Variants in LUC7L3 observed in about 807,000 individuals in gnomAD.
The protein encoded by LUC7L3 is LUC7 like 3 pre-mRNA splicing factor.
Under a neutral mutation model 66.8 loss-of-function variants are expected in LUC7L3, and 6 were observed. The ratio of observed to expected loss-of-function variants is 0.09; its 90% CI spans 0.05 to 0.18. LUC7L3 has a LOEUF of 0.18. LUC7L3 is among the 10% of genes least tolerant of loss of function. The pLI, the probability that LUC7L3 is intolerant of heterozygous loss-of-function variation, is 1.00. For missense variants in LUC7L3, 341 were observed against 531.1 expected (o/e 0.64, Z 3.52); for synonymous variants, 160 against 174.7 (o/e 0.92, Z 0.66).
intron 1 of LUC7L3, among the ~76,000 whole-genome samples, chr17:50,729,385 T>C (rs1424270399): frequency 6.6e-6 from 1 of 152,248 alleles, no homozygotes; most frequent in Non-Finnish European, 1.5e-5. Context: ...CATGCATTTG[T>C]ATGATTATCA....
chr17:50,728,072 C>CGCGCCACT (rs1403461561), intron 1 of LUC7L3, among the ~76,000 whole-genome samples: 1 of 149,534 alleles, frequency 6.7e-6, no homozygotes, highest in Non-Finnish European at 1.5e-5. Flanking sequence ...GAGCCGAGAT[C>CGCGCCACT]GCGCCACTGC....
At position 50,754,615 on chromosome 17, in the gene LUC7L3, T is replaced by C. The variant is rs988345573; in HGVS notation, c.*3954T>C. 1 of 152,228 alleles carries C rather than the reference T, an allele frequency of 6.6e-6. No homozygotes were observed. Among genetic ancestry groups the C allele is most frequent in the Admixed American group, 6.5e-5 (1 of 15,282 alleles). 9.4% of individuals were successfully genotyped at this position (152,228 alleles called of 1,614,324 possible). A position where few individuals can be genotyped will look rare whatever the true frequency, so the allele number is the denominator to read the frequency against. On this transcript the variant is annotated 3_prime_UTR_variant, in exon 10 of 10. Transcript: ENST00000505658. The stretch of plus-strand genomic sequence containing the variant: ...CATCCTCTCCTCTGGAATGTAGAGA[T>C]AATACATATCATGCTCCTTTTTGTT...
Position 50,752,060 on chromosome 17 carries a change from G to T in LUC7L3, c.*1399G>T. The T allele has an allele frequency of 8.6e-7, 1 of 1,156,408 alleles. No individual in the cohort carries two copies. Among genetic ancestry groups the T allele is most frequent in the Middle Eastern group, 3.4e-4 (1 of 2,910 alleles). 71.6% of individuals were successfully genotyped at this position (1,156,408 alleles called of 1,614,324 possible). A position where few individuals can be genotyped will look rare whatever the true frequency, so the allele number is the denominator to read the frequency against. Reference sequence around the variant, plus strand: ...ACATGGCTTTAAGAACCACACTGATGCCTTGATAATTAAAAAGAATACAAG... The same window carrying T: ...ACATGGCTTTAAGAACCACACTGATTCCTTGATAATTAAAAAGAATACAAG... On this transcript the variant is annotated 3_prime_UTR_variant, in exon 10 of 10. Coordinates refer to ENST00000505658, the MANE Select transcript of LUC7L3 (RefSeq NM_016424.5).
rs576651295 is a variant in LUC7L3 at position 50,753,880 on chromosome 17, C to A, written c.*3219C>A. On this transcript the variant is annotated 3_prime_UTR_variant, in exon 10 of 10. Transcript: ENST00000505658. ...TATGAAAAGGCTTCCTCTATGGACA[C>A]TTAGATATATTGTAACTATTGAAGT... 1 of 152,088 alleles carries A rather than the reference C, an allele frequency of 6.6e-6. No homozygotes were observed. The highest frequency in any genetic ancestry group is 2.4e-5 in the African/African-American group (1 of 41,404). 9.4% of individuals were successfully genotyped at this position (152,088 alleles called of 1,614,324 possible). A position where few individuals can be genotyped will look rare whatever the true frequency, so the allele number is the denominator to read the frequency against.
Position 50,751,262 on chromosome 17 carries a change from T to A in LUC7L3, c.*601T>A. On this transcript the variant is annotated 3_prime_UTR_variant, in exon 10 of 10. Transcript: ENST00000505658. ...TGGATTGATGGAAGTGTAGGGTTTA[T>A]GAATTATTGCAGCTGACTACCATAC... is the stretch of plus-strand genomic sequence containing the variant. The A allele has an allele frequency of 3.0e-6, 4 of 1,355,078 alleles. No homozygotes were observed. The highest frequency in any genetic ancestry group is 3.9e-6 in the Non-Finnish European group (4 of 1,032,214). 83.9% of individuals were successfully genotyped at this position (1,355,078 alleles called of 1,614,324 possible).
intron 2 of LUC7L3, among the ~76,000 whole-genome samples, chr17:50,738,800 C>T (rs768994471): frequency 1.3e-5 from 2 of 151,958 alleles, no homozygotes; most frequent in South Asian, 2.1e-4. Context: ...TACTAAAGGA[C>T]ATTCATCTTT....
intron 8 of LUC7L3, 83 bp downstream of exon 8, chr17:50,746,086 T>G: frequency 6.9e-7 from 1 of 1,458,110 alleles, no homozygotes; most frequent in South Asian, 1.6e-5. Flanking sequence ...TTCCTTGGAA[T>G]GGTACTTGGG....
chr17:50,728,639 C>T (rs1013896968), intron 1 of LUC7L3, among the ~76,000 whole-genome samples: 2 of 152,148 alleles, frequency 1.3e-5, no homozygotes, highest in African/African-American at 2.4e-5. Flanking sequence ...TGCAAACCTC[C>T]GCTTCCCAGG....
At chr17:50,738,088 T>C in intron 2 of LUC7L3, 2 of 433,248 alleles carry the variant, frequency 4.6e-6, no homozygotes, top group Non-Finnish European at 9.1e-6. Flanking sequence ...TTGGTGGGGC[T>C]CTCCTCTGCC....
Position 50,754,777 on chromosome 17 carries a change from C to T in LUC7L3, c.*4116C>T, listed in dbSNP as rs377560262. 2.1e-3 allele frequency: 325 copies of T among 152,250 alleles called. 2 individuals are homozygous for T. Among genetic ancestry groups the T allele is most frequent in the African/African-American group, 6.7e-3 (277 of 41,540 alleles). 9.4% of individuals were successfully genotyped at this position (152,250 alleles called of 1,614,324 possible). A position where few individuals can be genotyped will look rare whatever the true frequency, so the allele number is the denominator to read the frequency against. On this transcript the variant is annotated 3_prime_UTR_variant, in exon 10 of 10. Coordinates refer to ENST00000505658, the MANE Select transcript of LUC7L3 (RefSeq NM_016424.5). ...GATATTTTTACTCCCTCTCCTTAGG[C>T]ATTCTGGTTCCTTAAATATAGTTAG...
chr17:50,727,528 C>T (rs992099581), intron 1 of LUC7L3, among the ~76,000 whole-genome samples: 2 of 152,104 alleles, frequency 1.3e-5, no homozygotes, highest in Admixed American at 6.5e-5. Context: ...CCCAGCCCCC[C>T]GAGTTCAAAG....
At chr17:50,744,844 T>C in intron 7 of LUC7L3, 31 bp downstream of exon 7, 1 of 1,586,878 alleles carries the variant, frequency 6.3e-7, no homozygotes, top group Non-Finnish European at 8.6e-7. Flanking sequence ...TGAGGCAGAT[T>C]CTTGCTCTGT....
intron 5 of LUC7L3, among the ~76,000 whole-genome samples, chr17:50,742,132 T>G (rs74476404): frequency 6.6e-6 from 1 of 151,966 alleles, no homozygotes; most frequent in African/African-American, 2.4e-5. Flanking sequence ...ACAGCAAATA[T>G]GAAAAGACGC....
At position 50,746,644 on chromosome 17, in the gene LUC7L3, A is replaced by T. The variant is rs200539321; in HGVS notation, c.1080A>T (p.Ser360=). The T allele has an allele frequency of 1.2e-6, 2 of 1,614,170 alleles. No individual in the cohort carries two copies. Among genetic ancestry groups the T allele is most frequent in the Middle Eastern group, 1.6e-4 (1 of 6,062 alleles). ...RRRSKSRDRK[S]YKHRSKSRDR... ...GATCAAAAAGCCGGGATCGAAAGTC[A>T]TATAAGCACAGGAGCAAAAGTCGGG... The change falls in exon 9 of 10, where the codon TCA becomes TCT. Residue 360 remains serine (S), a synonymous_variant. Coordinates refer to ENST00000505658, the MANE Select transcript of LUC7L3 (RefSeq NM_016424.5).
At position 50,743,839 on chromosome 17, in the gene LUC7L3, A is replaced by ACC. The variant is rs1282941197; in HGVS notation, c.531+29_531+30insCC. ...AGTAAACCTTATTTCACATTATCTC[A>ACC]TCTGTCTGTTAACAGTTAGTAGGAA... On this transcript the variant is annotated intron_variant, in intron 6 of 9. Coordinates refer to ENST00000505658, the MANE Select transcript of LUC7L3 (RefSeq NM_016424.5). 2.0e-6 allele frequency: 3 copies of ACC among 1,469,170 alleles called. No individual in the cohort carries two copies. In the African/African-American group the frequency reaches 4.2e-5, roughly 21 times the overall value. 91.0% of individuals were successfully genotyped at this position (1,469,170 alleles called of 1,614,324 possible). A position where few individuals can be genotyped will look rare whatever the true frequency, so the allele number is the denominator to read the frequency against.
Position 50,752,138 on chromosome 17 carries a change from C to A in LUC7L3, c.*1477C>A. On this transcript the variant is annotated 3_prime_UTR_variant, in exon 10 of 10. Coordinates refer to ENST00000505658, the MANE Select transcript of LUC7L3 (RefSeq NM_016424.5). ...GTTAGTGACTGGGCCAACACTTTCT[C>A]ATAAAAATTGGCCTTTTACATGTTG... 7.9e-7 allele frequency: 1 copy of A among 1,273,126 alleles called. No individual in the cohort carries two copies. The allele number at this position is 1,273,126 out of a possible 1,614,324, so 78.9% of individuals were successfully genotyped here.
intron 1 of LUC7L3, among the ~76,000 whole-genome samples, chr17:50,730,725 G>A (rs774222127): frequency 7.2e-4 from 110 of 151,992 alleles, no homozygotes; most frequent in Non-Finnish European, 1.4e-3. Flanking sequence ...CGGATCATTT[G>A]AGGTCAGAAG....
chr17:50,755,008 T>C lies in LUC7L3; in HGVS notation c.*4347T>C, dbSNP rs1971085479. 1 of 152,214 alleles carries C rather than the reference T, an allele frequency of 6.6e-6. No homozygotes were observed. Among genetic ancestry groups the C allele is most frequent in the Admixed American group, 6.5e-5 (1 of 15,286 alleles). The allele number at this position is 152,214 out of a possible 1,614,324, so 9.4% of individuals were successfully genotyped here. A position where few individuals can be genotyped will look rare whatever the true frequency, so the allele number is the denominator to read the frequency against. ...CTATGTGAATATGTTTTTAAACATC[T>C]GATATGTGCATGAAACAAAAAACAC... On this transcript the variant is annotated 3_prime_UTR_variant, in exon 10 of 10. Transcript: ENST00000505658.
intron 2 of LUC7L3, 190 bp downstream of exon 2, chr17:50,737,216 CTTAA>C (rs1970036568): frequency 6.2e-6 from 4 of 642,658 alleles, no homozygotes; most frequent in Admixed American, 4.9e-5. Context: ...AACATGGTGG[CTTAA>C]TTAAACATAC....
Sources: gnomAD v4.1 joint callset for allele counts (sites outside exome capture counted in the v4.1 genomes callset) on GRCh38, gnomAD v4.1.1 for gene constraint, MANE v1.5 for transcripts, NCBI Gene and HGNC (gene_info 2026-07-23, HGNC 2026-07-21) for gene names.